The following WDHD1 variants were observed in gnomAD, a reference collection of about 807,000 sequenced individuals.
The protein encoded by WDHD1 is WD repeat and HMG-box DNA binding protein 1, also known as WD repeat and HMG-box DNA-binding protein 1.
In WDHD1, 111 loss-of-function variants were observed where a neutral mutation model predicts 135.4. The ratio of observed to expected loss-of-function variants is 0.82; its 90% confidence interval spans 0.70 to 0.96. The LOEUF (loss-of-function observed/expected upper bound fraction) is 0.96. WDHD1 is among the 40% of genes least tolerant of loss of function. WDHD1 has a pLI of 0.00. For synonymous variants in WDHD1, 434 were observed against 439.0 expected, an observed-to-expected ratio of 0.99 and a Z score of 0.14; for missense variants, 1,351 against 1,336.3, an observed-to-expected ratio of 1.01 and a Z score of -0.17.
At chr14:54,991,105 C>G in intron 12 of WDHD1, 108 bp downstream of exon 12, 1 of 594,154 alleles carries the variant, frequency 1.7e-6, no homozygotes, top group South Asian at 2.8e-5. Flanking sequence ...GTGCTCCAGG[C>G]TACTTAATCA....
chr14:54,987,078 A>G, intron 14 of WDHD1, 68 bp downstream of exon 14: 3 of 1,578,502 alleles, frequency 1.9e-6, no homozygotes, highest in Non-Finnish European at 2.6e-6. Flanking sequence ...AAAGAGTAAC[A>G]AAAACAGCAA....
chr14:54,990,946 T>C (rs547199700), intron 12 of WDHD1, among the ~76,000 whole-genome samples: 28 of 152,188 alleles, frequency 1.8e-4, no homozygotes, highest in Admixed American at 5.9e-4. Context: ...CCAAGAAATA[T>C]TGCAAGATAG....
intron 2 of WDHD1, among the ~76,000 whole-genome samples, chr14:55,021,622 G>A (rs1349710757): frequency 3.3e-5 from 5 of 152,186 alleles, no homozygotes; most frequent in Non-Finnish European, 2.9e-5. Context: ...CTGACCTCAA[G>A]TGATCCATCT....
At chr14:54,994,150 A>G (rs555928280) in intron 11 of WDHD1, among the ~76,000 whole-genome samples, 1 of 152,150 alleles carries the variant, frequency 6.6e-6, no homozygotes, top group Non-Finnish European at 1.5e-5. Context: ...TGTAGCATGT[A>G]AGTTGTTACA....
chr14:55,022,370 G>A (rs1456463031), intron 2 of WDHD1, among the ~76,000 whole-genome samples: 1 of 152,126 alleles, frequency 6.6e-6, no homozygotes, highest in East Asian at 1.9e-4. Context: ...ATTAGAGTTA[G>A]CCTTCCTGCC....
chr14:54,945,598 T>G (rs774592096), intron 24 of WDHD1, among the ~76,000 whole-genome samples: 20 of 152,164 alleles, frequency 1.3e-4, no homozygotes, highest in Non-Finnish European at 2.4e-4. Flanking sequence ...TGGAGTACAG[T>G]GGCTCTGTAT....
chr14:54,973,693 A>G (rs950196147), intron 16 of WDHD1, among the ~76,000 whole-genome samples: 10 of 152,226 alleles, frequency 6.6e-5, no homozygotes, highest in Non-Finnish European at 1.5e-4. Flanking sequence ...CCAGGTACAT[A>G]TATATGTACA....
intron 24 of WDHD1, among the ~76,000 whole-genome samples, chr14:54,949,170 G>C (rs376318289): frequency 9.2e-5 from 14 of 152,330 alleles, no homozygotes; most frequent in Middle Eastern, 3.4e-3. Flanking sequence ...TTGACGAGTT[G>C]AGAGAAGAAG....
Position 54,995,618 on chromosome 14 carries a change from C to G in WDHD1, c.1138G>C (p.Asp380His), listed in dbSNP as rs577595773. The change falls in exon 11 of 26, where the codon GAT becomes CAT. Residue 380 changes from aspartate (D) to histidine (H), a missense_variant. This residue lies in a region of WDHD1 where 1,330 missense variants were observed against 1,296.1 expected (regional missense o/e 1.03). Coordinates refer to ENST00000360586, the MANE Select transcript of WDHD1 (RefSeq NM_007086.4). ...AAATTCTTACCAACTGAGTTTTCAT[C>G]ATCTTCTAGGATGTGACTTCGCTGT... is the stretch of plus-strand genomic sequence containing the variant. Reference protein sequence around the residue: ...PRQRSHILEDDENSVDISMLK... With the variant: ...PRQRSHILEDHENSVDISMLK... 1.2e-4 allele frequency: 197 copies of G among 1,592,502 alleles called. 1 individual carries two copies. In the South Asian group the frequency reaches 2.1e-3, roughly 17 times the overall value.
rs71410642 is a variant in WDHD1, at chr14:54,972,553, C to CAAAAAAAAAAAAAAAAAAAAAAAAAA, written c.2064-5185_2064-5160dup. Among the ~76,000 whole-genome samples the CAAAAAAAAAAAAAAAAAAAAAAAAAA allele has an allele frequency of 7.5e-4, 19 of 25,500 alleles. 5 individuals are homozygous for CAAAAAAAAAAAAAAAAAAAAAAAAAA. The highest frequency in any genetic ancestry group is 1.1e-3 in the Non-Finnish European group (16 of 15,220). The allele number at this position is 25,500 out of a possible 152,430, so 16.7% of individuals were successfully genotyped here. A position where few individuals can be genotyped will look rare whatever the true frequency, so the allele number is the denominator to read the frequency against. On this transcript the variant is annotated intron_variant, in intron 16 of 25. Coordinates refer to ENST00000360586, the MANE Select transcript of WDHD1 (RefSeq NM_007086.4). ...CCTGGGCAATAAAGCAAGACTGTCA[C>CAAAAAAAAAAAAAAAAAAAAAAAAAA]AAAAAAAAAAAAAAAAAAAAAAAAA...
chr14:55,006,771 C>A (rs2042077130), intron 7 of WDHD1, among the ~76,000 whole-genome samples: 1 of 152,244 alleles, frequency 6.6e-6, no homozygotes, highest in South Asian at 2.1e-4. Context: ...AAAATTTATA[C>A]TTCAAAATGA....
intron 24 of WDHD1, among the ~76,000 whole-genome samples, chr14:54,950,804 A>G (rs2041036965): frequency 6.6e-6 from 1 of 152,226 alleles, no homozygotes; most frequent in South Asian, 2.1e-4. Context: ...TGTCTCTCAG[A>G]CCACAGTGCA....
rs1358049778 is a variant in WDHD1 at position 54,970,411 on chromosome 14, T to C, written c.2064-3017A>G. 3.9e-5 allele frequency among the ~76,000 whole-genome samples: 6 copies of C among 152,066 alleles called. 2 individuals are homozygous for C. In the South Asian group the frequency reaches 1.0e-3, roughly 26 times the overall value. ...ATCAAGTATGCAATCCCATTTACAA[T>C]AGTCATACATGTACATAAAATACCT... On this transcript the variant is annotated intron_variant, in intron 16 of 25. Coordinates refer to ENST00000360586, the MANE Select transcript of WDHD1 (RefSeq NM_007086.4).
chr14:54,982,862 A>AT (rs1290222410), intron 15 of WDHD1, among the ~76,000 whole-genome samples: 2 of 152,204 alleles, frequency 1.3e-5, no homozygotes, highest in Non-Finnish European at 2.9e-5. Flanking sequence ...ATGACAGGTG[A>AT]TTTAAAATAA....
chr14:55,005,507 C>T (rs2140218970), intron 7 of WDHD1: 3 of 567,236 alleles, frequency 5.3e-6, no homozygotes, highest in Non-Finnish European at 1.0e-5. Flanking sequence ...GGCACAAGCT[C>T]CCAGGAGAAG....
intron 7 of WDHD1, chr14:55,005,734 A>G (rs1595114684): frequency 2.3e-6 from 1 of 436,620 alleles, no homozygotes; most frequent in African/African-American, 2.0e-5. Flanking sequence ...GAACAACATC[A>G]TAAGGATCCT....
chr14:54,983,717 C>A (rs1470948506), intron 15 of WDHD1, among the ~76,000 whole-genome samples: 1 of 151,774 alleles, frequency 6.6e-6, no homozygotes, highest in Non-Finnish European at 1.5e-5. Context: ...TGGGATCTCA[C>A]TATGTTGCCC....
At chr14:54,980,577 G>A (rs1188682483) in intron 16 of WDHD1, among the ~76,000 whole-genome samples, 4 of 151,976 alleles carry the variant, frequency 2.6e-5, no homozygotes, top group Non-Finnish European at 5.9e-5. Context: ...ATCACTTGAG[G>A]TGGATCACTT....
intron 24 of WDHD1, among the ~76,000 whole-genome samples, chr14:54,949,647 G>C (rs2041005794): frequency 1.3e-5 from 2 of 152,154 alleles, no homozygotes; most frequent in Admixed American, 6.6e-5. Context: ...AGGAAATACA[G>C]AGAATGCCAC....
Sources: gnomAD v4.1 joint callset for allele counts (sites outside exome capture counted in the v4.1 genomes callset) on GRCh38, gnomAD v4.1.1 for gene constraint, gnomAD v4.1.1 regional missense constraint, MANE v1.5 for transcripts, NCBI Gene and HGNC (gene_info 2026-07-23, HGNC 2026-07-21) for gene names.